IBA57: variants seen among roughly 807,000 people sequenced by gnomAD.
The protein encoded by IBA57 is iron-sulfur cluster assembly factor IBA57.
A neutral mutation model predicts 20.4 loss-of-function variants in IBA57; 20 were observed. The ratio of observed to expected loss-of-function variants is 0.98; its 90% CI spans 0.69 to 1.42. IBA57 has a LOEUF of 1.42. Among genes scored for constraint, IBA57 ranks in the 40% most tolerant of loss-of-function variants. The probability of loss-of-function intolerance (pLI) is 0.00; values close to 1 mark genes in which losing one functional copy is unlikely to be tolerated. For missense variants in IBA57, 608 were observed against 499.3 expected (o/e 1.22, Z -2.07); for synonymous variants, 310 against 233.9 (o/e 1.33, Z -2.97).
At chr1:228,171,283 T>G (rs1038975726) in intron 1 of IBA57, 1 of 151,820 alleles carries the variant, frequency 6.6e-6, no homozygotes, top group Non-Finnish European at 1.5e-5. Context: ...CTATGGAGAA[T>G]GATGAGGCTG....
rs2035070145 is a variant in IBA57, at chr1:228,179,065, G to A, written c.*3552G>A. The A allele has an allele frequency of 6.6e-6, 1 of 152,120 alleles. No homozygotes were observed. The allele number at this position is 152,120 out of a possible 1,614,324, so 9.4% of individuals were successfully genotyped here. On this transcript the variant is annotated 3_prime_UTR_variant, in exon 3 of 3. Transcript: ENST00000366711. ...TGTAAGGACTGGCTGGCCTGGGAGG[G>A]GCAGTCTCCCAGCCAGAAGGTGGAA...
chr1:228,174,808 C>G lies in IBA57; in HGVS notation c.458C>G (p.Pro153Arg). The G allele has an allele frequency of 3.1e-6, 5 of 1,610,710 alleles. No individual in the cohort carries two copies. Among genetic ancestry groups the G allele is most frequent in the Non-Finnish European group, 4.2e-6 (5 of 1,179,348 alleles). The change falls in exon 2 of 3, where the codon CCG becomes CGG. Residue 153 changes from proline to arginine, a missense_variant. Physicochemically the swap from Pro to Arg is moderately radical, Grantham distance 103. Transcript: ENST00000366711. ...YRIRRKVTVE[P>R]HPELRVWAVL... ...ATCCGGCGGAAGGTCACGGTGGAGC[C>G]GCACCCGGAGCTGCGAGTGTGGGCG... is the stretch of plus-strand genomic sequence containing the variant.
chr1:228,175,736 A>G lies in IBA57; in HGVS notation c.*223A>G, dbSNP rs981845409. 4.0e-6 allele frequency: 2 copies of G among 497,428 alleles called. No individual in the cohort carries two copies. Among genetic ancestry groups the G allele is most frequent in the Non-Finnish European group, 7.0e-6 (2 of 286,620 alleles). The allele number at this position is 497,428 out of a possible 1,614,324, so 30.8% of individuals were successfully genotyped here. A position where few individuals can be genotyped will look rare whatever the true frequency, so the allele number is the denominator to read the frequency against. On this transcript the variant is annotated 3_prime_UTR_variant, in exon 3 of 3. Transcript: ENST00000366711. ...CTCCCTGGACTTCCTGTGGCCCCAG[A>G]GGAGCCCACCGTGTGAGTGCTGGGC...
At chr1:228,174,493 C>G (rs1357238585) in intron 1 of IBA57, 199 bp from the exon 2 acceptor site, 1 of 421,564 alleles carries the variant, frequency 2.4e-6, no homozygotes, top group Non-Finnish European at 4.2e-6. Context: ...GTGGGCGTGG[C>G]TCGCTGTGGG....
chr1:228,175,648 C>T lies in IBA57; in HGVS notation c.*135C>T. On this transcript the variant is annotated 3_prime_UTR_variant, in exon 3 of 3. Coordinates refer to ENST00000366711, the MANE Select transcript of IBA57 (RefSeq NM_001010867.4). ...CCCTGGTTTCCATCTGGGAAAGTCC[C>T]CCTTGTAGGTGCCCTGCCTGGCCCC... is the stretch of plus-strand genomic sequence containing the variant. 1.7e-6 allele frequency: 2 copies of T among 1,194,176 alleles called. No individual in the cohort carries two copies. The highest frequency in any genetic ancestry group is 1.5e-5 in the African/African-American group (1 of 64,762). 74.0% of individuals were successfully genotyped at this position (1,194,176 alleles called of 1,614,324 possible).
At chr1:228,171,839 C>T (rs1039431562) in intron 1 of IBA57, 8 of 153,358 alleles carry the variant, frequency 5.2e-5, no homozygotes, top group African/African-American at 1.9e-4. Flanking sequence ...CCTGCCTGTC[C>T]GGCGCCCAGC....
intron 1 of IBA57, among the ~76,000 whole-genome samples, chr1:228,168,540 A>G (rs534250398): frequency 2.6e-5 from 4 of 151,648 alleles, no homozygotes; most frequent in African/African-American, 9.7e-5. Context: ...TTGTCTGCAG[A>G]CCTACTGGGC....
At position 228,175,551 on chromosome 1, in the gene IBA57, G is replaced by A. The variant is rs1374195942; in HGVS notation, c.*38G>A. 1 of 1,520,850 alleles carries A rather than the reference G, an allele frequency of 6.6e-7. No individual in the cohort carries two copies. The highest frequency in any genetic ancestry group is 1.4e-5 in the African/African-American group (1 of 72,138). The allele number at this position is 1,520,850 out of a possible 1,614,324, so 94.2% of individuals were successfully genotyped here. ...GCTGGCGCAGGCTGATGGGGAGGCT[G>A]GGGCCTGGGGCCTTTGGCCTCTGTC... On this transcript the variant is annotated 3_prime_UTR_variant, in exon 3 of 3. Transcript: ENST00000366711.
At position 228,181,491 on chromosome 1, in the gene IBA57, G is replaced by A. The variant is rs1334358969; in HGVS notation, c.*5978G>A. The A allele has an allele frequency of 6.6e-6, 1 of 152,298 alleles. No homozygotes were observed. The highest frequency in any genetic ancestry group is 1.5e-5 in the Non-Finnish European group (1 of 68,106). 9.4% of individuals were successfully genotyped at this position (152,298 alleles called of 1,614,324 possible). ...CAGCCTGGGCATCTCCACCCAATAT[G>A]AGTGATGGCGACTGATTCCCTTACT... On this transcript the variant is annotated 3_prime_UTR_variant, in exon 3 of 3. Coordinates refer to ENST00000366711, the MANE Select transcript of IBA57 (RefSeq NM_001010867.4).
At position 228,179,658 on chromosome 1, in the gene IBA57, C is replaced by G. The variant is rs1013613572; in HGVS notation, c.*4145C>G. ...CAAGCAGCATAGTTAAAAAGCTCTA[C>G]CCAAACAGTCACGTCTTGGTGAAAG... is the stretch of plus-strand genomic sequence containing the variant. On this transcript the variant is annotated 3_prime_UTR_variant, in exon 3 of 3. Transcript: ENST00000366711. 1 of 152,148 alleles carries G rather than the reference C, an allele frequency of 6.6e-6. No homozygotes were observed. The highest frequency in any genetic ancestry group is 2.4e-5 in the African/African-American group (1 of 41,418). 9.4% of individuals were successfully genotyped at this position (152,148 alleles called of 1,614,324 possible). A position where few individuals can be genotyped will look rare whatever the true frequency, so the allele number is the denominator to read the frequency against.
intron 1 of IBA57, chr1:228,171,958 T>TA (rs1395721017): frequency 6.6e-6 from 1 of 152,166 alleles, no homozygotes; most frequent in Non-Finnish European, 1.5e-5. Flanking sequence ...AAAATACAAA[T>TA]ATGCATGCAC....
rs56080753 is a variant in IBA57 at position 228,180,153 on chromosome 1, C to T, written c.*4640C>T. 3.7e-3 allele frequency: 212 copies of T among 57,848 alleles called. No homozygotes were observed. The highest frequency in any genetic ancestry group is 0.019 in the Middle Eastern group (1 of 54). The allele number at this position is 57,848 out of a possible 1,614,324, so 3.6% of individuals were successfully genotyped here. A position where few individuals can be genotyped will look rare whatever the true frequency, so the allele number is the denominator to read the frequency against. ...CCTGGGCAATAGAATGAGACTCTGT[C>T]TCAAAAAAAAAAAAAAAAAAAAAAA... On this transcript the variant is annotated 3_prime_UTR_variant, in exon 3 of 3. Coordinates refer to ENST00000366711, the MANE Select transcript of IBA57 (RefSeq NM_001010867.4).
rs1314335254 is a variant in IBA57, at chr1:228,175,848, C to G, written c.*335C>G. 4.4e-6 allele frequency: 1 copy of G among 227,422 alleles called. No homozygotes were observed. The allele number at this position is 227,422 out of a possible 1,614,324, so 14.1% of individuals were successfully genotyped here. On this transcript the variant is annotated 3_prime_UTR_variant, in exon 3 of 3. Transcript: ENST00000366711. ...TGTCTCTGGCCAGCACTGGCAGCTT[C>G]CGGGCCTTGTACCCCACTCTGCCTG... is the stretch of plus-strand genomic sequence containing the variant.
At position 228,174,953 on chromosome 1, in the gene IBA57, G is replaced by C; in HGVS notation, c.603G>C (p.Gln201His). Residue 201 changes from glutamine to histidine, a missense_variant, in exon 2 of 3, where the codon CAG becomes CAC. Gln to His is a conservative substitution (Grantham distance 24). Transcript: ENST00000366711. ...TARMGWRLLTQDEGPALVPGG... is the reference protein window; with the variant it reads ...TARMGWRLLTHDEGPALVPGG... Reference sequence around the variant, plus strand: ...GCATGGGGTGGCGGCTCCTCACCCAGGATGAAGGCCCAGCCCTGGTGCCCG... The same window carrying C: ...GCATGGGGTGGCGGCTCCTCACCCACGATGAAGGCCCAGCCCTGGTGCCCG... The C allele has an allele frequency of 6.4e-7, 1 of 1,571,540 alleles. No homozygotes were observed. The highest frequency in any genetic ancestry group is 2.3e-5 in the East Asian group (1 of 44,292).
In IBA57 at chr1:228,170,562, G is replaced by A. The variant is rs1282691376; in HGVS notation, c.342-4130G>A. The stretch of plus-strand genomic sequence containing the variant: ...CCTGCCTCAGCTTCACAAAGTGTTG[G>A]GATTGCGGGCATGAGCCACCATGCC... On this transcript the variant is annotated intron_variant, in intron 1 of 2. Coordinates refer to ENST00000366711, the MANE Select transcript of IBA57 (RefSeq NM_001010867.4). The surrounding 1 kb of genome is among the most constrained non-coding windows in gnomAD (Gnocchi z 4.8). 2.0e-5 allele frequency among the ~76,000 whole-genome samples: 3 copies of A among 152,194 alleles called. No individual in the cohort carries two copies. Among genetic ancestry groups the A allele is most frequent in the African/African-American group, 7.2e-5 (3 of 41,444 alleles).
At position 228,166,001 on chromosome 1, in the gene IBA57, G is replaced by T. The variant is rs1176898717; in HGVS notation, c.185G>T (p.Arg62Leu). ...GACGGGCGCACCCTGCTGCGCGTGC[G>T]TGGCCCCGACGCGGCGCCCTTCCTG... ...RLDGRTLLRV[R>L]GPDAAPFLLG... Residue 62 changes from arginine to leucine, a missense_variant, in exon 1 of 3, where the codon CGT becomes CTT. Coordinates refer to ENST00000366711, the MANE Select transcript of IBA57 (RefSeq NM_001010867.4). The T allele has an allele frequency of 2.6e-6, 4 of 1,529,268 alleles. No individual in the cohort carries two copies. The highest frequency in any genetic ancestry group is 3.5e-6 in the Non-Finnish European group (4 of 1,145,526). The allele number at this position is 1,529,268 out of a possible 1,614,324, so 94.7% of individuals were successfully genotyped here.
chr1:228,168,166 A>G (rs1363499368), intron 1 of IBA57, among the ~76,000 whole-genome samples: 4 of 152,124 alleles, frequency 2.6e-5, no homozygotes, highest in Non-Finnish European at 5.9e-5. Flanking sequence ...AGCCTACTCA[A>G]CATGGAGACC....
chr1:228,167,797 T>C (rs144159212), intron 1 of IBA57, among the ~76,000 whole-genome samples: 10 of 152,372 alleles, frequency 6.6e-5, no homozygotes, highest in Admixed American at 2.0e-4. Flanking sequence ...TTCAGAGATA[T>C]AGTCATCATA....
rs766843665 is a variant in IBA57 at position 228,174,882 on chromosome 1, A to T, written c.532A>T (p.Arg178Trp). Residue 178 changes from arginine to tryptophan, a missense_variant, in exon 2 of 3, where the codon AGG becomes TGG. By Grantham distance (101) the Arg-to-Trp change is moderately radical. Transcript: ENST00000366711. ...CTGCGGGGCTGCATCGCTGCAGGAG[A>T]GGGCAGGGGCTGCCGCCATCCTCAT... ...EACGAASLQERAGAAAILIRD... is the reference protein window; with the variant it reads ...EACGAASLQEWAGAAAILIRD... 17 of 1,607,500 alleles carry T rather than the reference A, an allele frequency of 1.1e-5. No individual in the cohort carries two copies. In the South Asian group the frequency reaches 1.7e-4, roughly 16 times the overall value.
Sources: allele counts gnomAD v4.1 joint callset (sites outside exome capture counted in the v4.1 genomes callset), GRCh38; gene constraint gnomAD v4.1.1; non-coding constraint Gnocchi (gnomAD v3.1); transcripts MANE v1.5; gene names NCBI Gene and HGNC (gene_info 2026-07-23, HGNC 2026-07-21).